SART3: variants seen among roughly 807,000 people sequenced by gnomAD.
SART3 encodes HIV-1 Tat-interacting protein of 110kDa.
SART3 carries 44 observed loss-of-function variants against 122.3 expected under a neutral mutation model. The observed-to-expected ratio is 0.36, with a 90% CI of 0.28 to 0.46. SART3 has a LOEUF of 0.46. Ranked by LOEUF, SART3 falls within the 20% of genes least tolerant of loss-of-function variation. The pLI, the probability that SART3 is intolerant of heterozygous loss-of-function variation, is 1.00. For missense variants in SART3, 1,101 were observed against 1,229.0 expected (o/e 0.90, Z 1.56); for synonymous variants, 442 against 454.0 (o/e 0.97, Z 0.34).
chr12:108,525,759 G>T, intron 16 of SART3, 150 bp from the exon 17 acceptor site: 1 of 787,230 alleles, frequency 1.3e-6, no homozygotes, highest in South Asian at 1.4e-5. Flanking sequence ...TGGGGCCACC[G>T]GAGCGAGTCA....
intron 6 of SART3, among the ~76,000 whole-genome samples, chr12:108,541,627 C>T (rs1873165000): frequency 6.6e-6 from 1 of 151,952 alleles, no homozygotes; most frequent in Admixed American, 6.6e-5. Flanking sequence ...CAACCTCCAC[C>T]TCCCGGCTTC....
Position 108,531,209 on chromosome 12 carries a change from T to C in SART3, c.1741A>G (p.Met581Val). The C allele has an allele frequency of 6.2e-7, 1 of 1,613,740 alleles. No individual in the cohort carries two copies. ...ACTTCAAACATTGTCATTACCTTCA[T>C]TCTCTGCTCATTGACACGAGCTAAT... ...TRLARVNEQR[M>V]KAAEKEAALV... is the part of the protein sequence containing the mutation. Residue 581 changes from methionine (M) to valine (V), a missense_variant, in exon 14 of 19, where the codon ATG (methionine) becomes GTG (valine). Met to Val is a conservative substitution (Grantham distance 21). This residue lies in a region of SART3 where 885 missense variants were observed against 1,080.1 expected (regional missense o/e 0.82). Coordinates refer to ENST00000546815, the MANE Select transcript of SART3 (RefSeq NM_014706.4).
At chr12:108,552,408 G>A (rs907317507) in intron 1 of SART3, among the ~76,000 whole-genome samples, 8 of 151,076 alleles carry the variant, frequency 5.3e-5, no homozygotes, top group Middle Eastern at 3.4e-3. Flanking sequence ...TATACAGCTC[G>A]GAAAAATAAA....
chr12:108,553,199 T>C (rs1374919018), intron 1 of SART3, among the ~76,000 whole-genome samples: 1 of 152,186 alleles, frequency 6.6e-6, no homozygotes, highest in Non-Finnish European at 1.5e-5. Context: ...CACACTTAAA[T>C]GTGAAATGTA....
intron 13 of SART3, 172 bp from the exon 14 acceptor site, chr12:108,531,452 G>C (rs1315630918): frequency 3.3e-6 from 2 of 609,032 alleles, no homozygotes; most frequent in Non-Finnish European, 2.9e-6. Context: ...TTCTAAGTGG[G>C]TTTAAAATGT....
Position 108,522,956 on chromosome 12 carries a change from A to G in SART3, c.*501T>C, listed in dbSNP as rs978234202. ...TAAAAATGCACAGCCCCATTGAACAAAACTCCAGCAAATGTTTTATAGCTG... is the reference window on the plus strand; with the variant it reads ...TAAAAATGCACAGCCCCATTGAACAGAACTCCAGCAAATGTTTTATAGCTG... On this transcript the variant is annotated 3_prime_UTR_variant, in exon 19 of 19. Transcript: ENST00000546815. 2.4e-5 allele frequency: 4 copies of G among 167,228 alleles called. No homozygotes were observed. The highest frequency in any genetic ancestry group is 3.1e-3 in the Middle Eastern group (1 of 318). 10.4% of individuals were successfully genotyped at this position (167,228 alleles called of 1,614,324 possible). A position where few individuals can be genotyped will look rare whatever the true frequency, so the allele number is the denominator to read the frequency against.
Position 108,545,163 on chromosome 12 carries a change from T to C in SART3, c.705A>G (p.Glu235=). 1 of 1,613,958 alleles carries C rather than the reference T, an allele frequency of 6.2e-7. No homozygotes were observed. Among genetic ancestry groups the C allele is most frequent in the Non-Finnish European group, 8.5e-7 (1 of 1,179,982 alleles). The change falls in exon 4 of 19, where the codon GAA becomes GAG. Residue 235 remains glutamate, a synonymous_variant. Coordinates refer to ENST00000546815, the MANE Select transcript of SART3 (RefSeq NM_014706.4). ...CCCGAGCAGCTTCCACAATCGCACT[T>C]TCAAACTCTCGGTAAGCCTCCCAGA... The part of the protein sequence containing the change: ...LALWEAYREF[E]SAIVEAARLE...
chr12:108,526,480 T>C lies in SART3; in HGVS notation c.1989A>G (p.Ala663=). 1.2e-6 allele frequency: 2 copies of C among 1,614,220 alleles called. No individual in the cohort carries two copies. Among genetic ancestry groups the C allele is most frequent in the Non-Finnish European group, 1.7e-6 (2 of 1,180,038 alleles). Residue 663 remains alanine (A), a synonymous_variant, in exon 16 of 19, where the codon GCA becomes GCG. Coordinates refer to ENST00000546815, the MANE Select transcript of SART3 (RefSeq NM_014706.4). ...CAGCACATTTCCCAGCGGGCCCTGC[T>C]GCTACTTCTACATTTTGTGTTTCTC... is the stretch of plus-strand genomic sequence containing the variant. ...AAGETQNVEV[A]AGPAGKCAAV...
intron 3 of SART3, among the ~76,000 whole-genome samples, chr12:108,547,573 T>C (rs7316222): frequency 0.048 from 7,264 of 152,230 alleles, 580 homozygotes; most frequent in African/African-American, 0.16. Flanking sequence ...TAAAGCATCC[T>C]GTCCAAAACC....
intron 15 of SART3, among the ~76,000 whole-genome samples, chr12:108,528,094 T>G (rs1285066435): frequency 2.6e-5 from 4 of 152,048 alleles, no homozygotes; most frequent in Admixed American, 2.0e-4. Context: ...CTTGACTGAC[T>G]CTCTGAAATA....
chr12:108,559,039 GAA>G lies in SART3; in HGVS notation c.312+1802_312+1803del, dbSNP rs747479698. Among the ~76,000 whole-genome samples, 85 of 103,946 alleles carry G rather than the reference GAA, an allele frequency of 8.2e-4. 1 individual carries two copies. The South Asian group carries it at 0.02, about 25-fold the overall frequency. The allele number at this position is 103,946 out of a possible 152,430, so 68.2% of individuals were successfully genotyped here. On this transcript the variant is annotated intron_variant, in intron 1 of 18. Coordinates refer to ENST00000546815, the MANE Select transcript of SART3 (RefSeq NM_014706.4). ...CAGAGCAAGACTCCGTCTCAAAAAA[GAA>G]AAAAAAAAAAAAAAAAAAAAGTAGA...
intron 12 of SART3, among the ~76,000 whole-genome samples, chr12:108,534,381 T>C (rs1045267974): frequency 1.1e-4 from 17 of 152,022 alleles, no homozygotes; most frequent in Admixed American, 2.0e-4. Flanking sequence ...TGGGGTGGGA[T>C]TGTAAGAAAC....
intron 14 of SART3, among the ~76,000 whole-genome samples, chr12:108,530,727 G>A (rs866866530): frequency 2.6e-5 from 4 of 152,034 alleles, no homozygotes; most frequent in African/African-American, 4.8e-5. Context: ...GTGTGGTAGC[G>A]GGCACCTGTA....
chr12:108,530,051 A>G (rs1320591514), intron 15 of SART3, 91 bp downstream of exon 15: 5 of 1,436,662 alleles, frequency 3.5e-6, no homozygotes, highest in South Asian at 1.1e-5. Context: ...TCAAGCTGGT[A>G]ACGGTTCAGG....
intron 4 of SART3, chr12:108,544,835 A>T: frequency 1.8e-6 from 1 of 569,210 alleles, no homozygotes. Flanking sequence ...AAACTGCTGG[A>T]ATTACAAGCA....
intron 1 of SART3, among the ~76,000 whole-genome samples, chr12:108,551,900 T>C (rs1417983969): frequency 6.6e-6 from 1 of 151,982 alleles, no homozygotes. Context: ...AAAAAGTGAA[T>C]GAAAATGAAA....
At chr12:108,543,205 C>G (rs1453390911) in intron 5 of SART3, 53 bp from the exon 6 acceptor site, 2 of 1,604,676 alleles carry the variant, frequency 1.2e-6, no homozygotes, top group Admixed American at 3.4e-5. Context: ...CTTTATCAAC[C>G]CAAACACAGA....
At chr12:108,551,711 A>G (rs1339778340) in intron 1 of SART3, among the ~76,000 whole-genome samples, 2 of 152,194 alleles carry the variant, frequency 1.3e-5, no homozygotes, top group African/African-American at 2.4e-5. Flanking sequence ...TGGCCATAAA[A>G]CAAACCTCAA....
chr12:108,543,239 A>T, intron 5 of SART3, 87 bp from the exon 6 acceptor site: 1 of 1,503,184 alleles, frequency 6.7e-7, no homozygotes, highest in South Asian at 1.2e-5. Context: ...CTCAGGTGCC[A>T]CTAGCCCCTC....
Sources: gnomAD v4.1 joint callset for allele counts (sites outside exome capture counted in the v4.1 genomes callset) on GRCh38, gnomAD v4.1.1 for gene constraint, gnomAD v4.1.1 regional missense constraint, MANE v1.5 for transcripts, NCBI Gene and HGNC (gene_info 2026-07-23, HGNC 2026-07-21) for gene names.